The following CEP85L variants were observed in gnomAD, a reference collection of about 807,000 sequenced individuals.
CEP85L encodes the protein centrosomal protein 85L.
A neutral mutation model predicts 100.3 loss-of-function variants in CEP85L; 60 were observed. The ratio of observed to expected loss-of-function variants is 0.60; its 90% CI spans 0.49 to 0.74. The LOEUF is 0.74. Among genes scored for constraint, CEP85L ranks in the 30% least tolerant of loss-of-function variants. The probability of loss-of-function intolerance (pLI) is 0.00; values close to 1 mark genes in which losing one functional copy is unlikely to be tolerated. For missense variants in CEP85L, 973 were observed against 936.2 expected (o/e 1.04, Z -0.51); for synonymous variants, 319 against 322.7 (o/e 0.99, Z 0.12).
intron 2 of CEP85L, among the ~76,000 whole-genome samples, chr6:118,595,375 T>C (rs868466510): frequency 1.3e-5 from 2 of 152,328 alleles, no homozygotes; most frequent in Middle Eastern, 6.8e-3. Context: ...TGTCTCAATT[T>C]AGCATTATTT....
intron 1 of CEP85L, among the ~76,000 whole-genome samples, chr6:118,646,745 C>T (rs1322311524): frequency 1.3e-5 from 2 of 152,190 alleles, no homozygotes; most frequent in Non-Finnish European, 1.5e-5. Flanking sequence ...TGTAATTAGG[C>T]TATAACTCAG....
Position 118,565,712 on chromosome 6 carries a change from C to T in CEP85L, c.837G>A (p.Met279Ile), listed in dbSNP as rs538687244. The stretch of plus-strand genomic sequence containing the variant: ...CTCCACCTACTGCCTGTTGACCAAG[C>T]ATTAAATATTTTGGAGGTTCAAAAG... ...SEAFEPPKYL[M>I]LGQQAVGGVP... is the part of the protein sequence containing the mutation. The change falls in exon 3 of 13, where the codon ATG (methionine) becomes ATA (isoleucine). Residue 279 changes from methionine (M) to isoleucine (I), a missense_variant. Physicochemically the swap from Met to Ile is conservative, Grantham distance 10 (BLOSUM62 1). Around this residue, in one of 3 missense-constraint regions of CEP85L, gnomAD observed 890 missense variants for 844.5 expected, o/e 1.05. Transcript: ENST00000368491. The T allele has an allele frequency of 5.6e-6, 9 of 1,614,198 alleles. No homozygotes were observed. The South Asian group carries it at 9.9e-5, about 18-fold the overall frequency.
At position 118,491,802 on chromosome 6, in the gene CEP85L, G is replaced by A; in HGVS notation, c.1321C>T (p.Gln441Ter). ...GCAAGCTTTTGCTCAAATTCCCCTT[G>A]TTGGGAATGGGAAACTGATTCCTCT... ...FSEESVSHSQ[Q>*]GEFEQKLAST... Residue 441 changes from glutamine (Q) to a stop codon, truncating the protein, a stop_gained, in exon 6 of 13, where the codon CAA (glutamine) becomes TAA (stop). Coordinates refer to ENST00000368491, the MANE Select transcript of CEP85L (RefSeq NM_001042475.3). LOFTEE classifies it high-confidence loss of function. 1.9e-6 allele frequency: 3 copies of A among 1,612,478 alleles called. No individual in the cohort carries two copies. Among genetic ancestry groups the A allele is most frequent in the Non-Finnish European group, 2.5e-6 (3 of 1,179,204 alleles).
At chr6:118,667,177 C>A (rs561549384) in intron 1 of CEP85L, among the ~76,000 whole-genome samples, 1 of 152,134 alleles carries the variant, frequency 6.6e-6, no homozygotes, top group Non-Finnish European at 1.5e-5. Flanking sequence ...CTATACTATA[C>A]GGGATGGTGC....
intron 6 of CEP85L, among the ~76,000 whole-genome samples, chr6:118,484,722 T>C (rs564465602): frequency 8.3e-4 from 127 of 152,190 alleles, no homozygotes; most frequent in Admixed American, 1.8e-3. Flanking sequence ...AAATGCTTTA[T>C]GGGAACTAAG....
chr6:118,557,414 G>T (rs189510640), intron 3 of CEP85L, among the ~76,000 whole-genome samples: 1 of 152,154 alleles, frequency 6.6e-6, no homozygotes, highest in African/African-American at 2.4e-5. Flanking sequence ...ACCAAATACA[G>T]CAGGTCCTCA....
intron 1 of CEP85L, among the ~76,000 whole-genome samples, chr6:118,668,983 A>G (rs781684979): frequency 2.6e-5 from 4 of 152,252 alleles, no homozygotes; most frequent in African/African-American, 9.6e-5. Context: ...GCTGATTTGC[A>G]GAAGTAAACA....
At chr6:118,521,994 T>C (rs1028423136) in intron 4 of CEP85L, among the ~76,000 whole-genome samples, 4 of 152,178 alleles carry the variant, frequency 2.6e-5, no homozygotes, top group Non-Finnish European at 5.9e-5. Flanking sequence ...AAAAATAACA[T>C]CAACTGATTT....
chr6:118,566,100 A>G lies in CEP85L; in HGVS notation c.449T>C (p.Phe150Ser). Reference protein sequence around the residue: ...EQDSSLDMKDFRPLRKWSSLS... With the variant: ...EQDSSLDMKDSRPLRKWSSLS... ...AGATGACCATTTCCGAAGTGGCCGG[A>G]AGTCCTTCATGTCTAGGGAAGAGTC... The change falls in exon 3 of 13, where the codon TTC becomes TCC. Residue 150 changes from phenylalanine (F) to serine (S), a missense_variant. Around this residue, in one of 3 missense-constraint regions of CEP85L, gnomAD observed 890 missense variants for 844.5 expected, o/e 1.05. Coordinates refer to ENST00000368491, the MANE Select transcript of CEP85L (RefSeq NM_001042475.3). 6.2e-7 allele frequency: 1 copy of G among 1,614,170 alleles called. No individual in the cohort carries two copies. Among genetic ancestry groups the G allele is most frequent in the Non-Finnish European group, 8.5e-7 (1 of 1,180,040 alleles).
intron 2 of CEP85L, among the ~76,000 whole-genome samples, chr6:118,567,887 T>C (rs1779647300): frequency 1.3e-5 from 2 of 152,210 alleles, no homozygotes; most frequent in South Asian, 4.1e-4. Context: ...AGAAGTATTG[T>C]AGTGGATAGT....
chr6:118,467,592 G>T (rs139568083), intron 12 of CEP85L, among the ~76,000 whole-genome samples: 15 of 152,230 alleles, frequency 9.9e-5, no homozygotes, highest in Non-Finnish European at 1.6e-4. Context: ...TTGGGAGGTG[G>T]GCGTGGTAAG....
chr6:118,554,632 G>C (rs1778745329), intron 3 of CEP85L, among the ~76,000 whole-genome samples: 1 of 152,130 alleles, frequency 6.6e-6, no homozygotes. Flanking sequence ...AATTGAAATT[G>C]TGCTATAATC....
intron 2 of CEP85L, among the ~76,000 whole-genome samples, chr6:118,613,826 T>C (rs1323792343): frequency 6.8e-6 from 1 of 146,670 alleles, no homozygotes; most frequent in Non-Finnish European, 1.5e-5. Flanking sequence ...TAAAAAAGAA[T>C]CAGCACCATT....
In CEP85L at chr6:118,465,491, G is replaced by A. The variant is rs1387391636; in HGVS notation, c.2332C>T (p.Gln778Ter). 1 of 1,613,654 alleles carries A rather than the reference G, an allele frequency of 6.2e-7. No individual in the cohort carries two copies. Among genetic ancestry groups the A allele is most frequent in the Non-Finnish European group, 8.5e-7 (1 of 1,179,670 alleles). Residue 778 changes from glutamine to a stop codon, truncating the protein, a stop_gained, in exon 13 of 13, where the codon CAG becomes TAG. Coordinates refer to ENST00000368491, the MANE Select transcript of CEP85L (RefSeq NM_001042475.3). LOFTEE classifies it high-confidence loss of function. ...TLTKKLSDVC[Q>*]LRRDIDELRT... ...AATTCATCAATGTCTCTTCGTAACTGGCACACATCTGACAGCTTTTTAGTG... is the reference window on the plus strand; with the variant it reads ...AATTCATCAATGTCTCTTCGTAACTAGCACACATCTGACAGCTTTTTAGTG...
At position 118,510,438 on chromosome 6, in the gene CEP85L, A is replaced by C. The variant is rs193222014; in HGVS notation, c.1257+860T>G. Among the ~76,000 whole-genome samples, 6 of 152,262 alleles carry C rather than the reference A, an allele frequency of 3.9e-5. No homozygotes were observed. In the East Asian group the frequency reaches 1.2e-3, roughly 29 times the overall value. ...ATCAAAGGATATGAAAAGAAATGTG[A>C]ATGGGCCCTTAAATTTATAAAAAGA... On this transcript the variant is annotated intron_variant, in intron 5 of 12. Coordinates refer to ENST00000368491, the MANE Select transcript of CEP85L (RefSeq NM_001042475.3).
At chr6:118,628,181 A>T (rs1167983607) in intron 2 of CEP85L, among the ~76,000 whole-genome samples, 2 of 152,230 alleles carry the variant, frequency 1.3e-5, no homozygotes, top group African/African-American at 4.8e-5. Flanking sequence ...AAGACAAAAA[A>T]AAAATAGTTT....
rs1296583523 is a variant in CEP85L at position 118,562,539 on chromosome 6, AT to A, written c.1020+2989del. Among the ~76,000 whole-genome samples, 3 of 151,898 alleles carry A rather than the reference AT, an allele frequency of 2.0e-5. No individual in the cohort carries two copies. In the East Asian group the frequency reaches 5.8e-4, roughly 29 times the overall value. ...TCACCATATATGGCTAATTCTTTTT[AT>A]TTTTTGTAGAGATGGGGTCTCATTG... On this transcript the variant is annotated intron_variant, in intron 3 of 12. Coordinates refer to ENST00000368491, the MANE Select transcript of CEP85L (RefSeq NM_001042475.3).
chr6:118,563,438 A>T (rs925830997), intron 3 of CEP85L, among the ~76,000 whole-genome samples: 17 of 152,222 alleles, frequency 1.1e-4, no homozygotes, highest in African/African-American at 3.9e-4. Flanking sequence ...CTAAGGTTTT[A>T]TTAGATTATG....
At chr6:118,549,031 T>C (rs986576041) in intron 3 of CEP85L, among the ~76,000 whole-genome samples, 1 of 151,988 alleles carries the variant, frequency 6.6e-6, no homozygotes, top group African/African-American at 2.4e-5. Context: ...TATTAATAAA[T>C]TGAGTTACTG....
Sources: allele counts gnomAD v4.1 joint callset (sites outside exome capture counted in the v4.1 genomes callset), GRCh38; gene constraint gnomAD v4.1.1; regional missense constraint gnomAD v4.1.1; transcripts MANE v1.5; gene names NCBI Gene and HGNC (gene_info 2026-07-23, HGNC 2026-07-21).